Variants in CYP27A1 observed in about 807,000 individuals in gnomAD.
The protein encoded by CYP27A1 is cytochrome P450 family 27 subfamily A member 1, also known as sterol 26-hydroxylase, mitochondrial.
In CYP27A1, 46 loss-of-function variants were observed where a neutral mutation model predicts 58.2. The ratio of observed to expected loss-of-function variants is 0.79; its 90% CI spans 0.62 to 1.01. The LOEUF (loss-of-function observed/expected upper bound fraction) is 1.01. Among genes scored for constraint, CYP27A1 ranks in the 50% least tolerant of loss-of-function variants. The pLI is 0.00. For synonymous variants in CYP27A1, 274 were observed against 285.1 expected (o/e 0.96, Z 0.39); for missense variants, 704 against 687.0 (o/e 1.02, Z -0.28).
chr2:218,782,974 A>C lies in CYP27A1; in HGVS notation c.255+537A>C, dbSNP rs1943408523. Reference sequence around the variant, plus strand: ...TTTTTGTTATTAAGAAATCAGTCTGAGGCCGGGTGCAGTGGCTCACACCTG... The same window carrying C: ...TTTTTGTTATTAAGAAATCAGTCTGCGGCCGGGTGCAGTGGCTCACACCTG... On this transcript the variant is annotated intron_variant, in intron 1 of 8. Coordinates refer to ENST00000258415, the MANE Select transcript of CYP27A1 (RefSeq NM_000784.4). This position sits in a 1 kb window ranked among gnomAD's most constrained non-coding sequence, Gnocchi z 4.1. Among the ~76,000 whole-genome samples, 1 of 152,124 alleles carries C rather than the reference A, an allele frequency of 6.6e-6. No homozygotes were observed. Among genetic ancestry groups the C allele is most frequent in the African/African-American group, 2.4e-5 (1 of 41,430 alleles).
rs1460381043 is a variant in CYP27A1 at position 218,812,656 on chromosome 2, T to C, written c.751T>C (p.Ser251Pro). 1.2e-6 allele frequency: 2 copies of C among 1,614,220 alleles called. No homozygotes were observed. Among genetic ancestry groups the C allele is most frequent in the African/African-American group, 2.7e-5 (2 of 75,058 alleles). ...ATCCATCGGGTTAATGTTCCAGAAC[T>C]CACTCTATGCCACCTTCCTCCCCAA... ...VRSIGLMFQN[S>P]LYATFLPKWT... The change falls in exon 4 of 9, where the codon TCA becomes CCA. Residue 251 changes from serine to proline, a missense_variant. Ser to Pro is a moderately conservative substitution (Grantham distance 74). Transcript: ENST00000258415.
At chr2:218,802,502 GA>G (rs1245553852) in intron 1 of CYP27A1, among the ~76,000 whole-genome samples, 1 of 152,086 alleles carries the variant, frequency 6.6e-6, no homozygotes, top group Non-Finnish European at 1.5e-5. Context: ...CTGCTTTTTG[GA>G]ACGTTGTTCT....
chr2:218,791,859 C>G (rs927923339), intron 1 of CYP27A1, among the ~76,000 whole-genome samples: 1 of 152,170 alleles, frequency 6.6e-6, no homozygotes, highest in African/African-American at 2.4e-5. Context: ...GCTACTGTTA[C>G]AACATCAGTC....
chr2:218,815,136 C>T lies in CYP27A1; in HGVS notation c.*106C>T. 7.0e-7 allele frequency: 1 copy of T among 1,420,726 alleles called. No individual in the cohort carries two copies. Among genetic ancestry groups the T allele is most frequent in the South Asian group, 1.2e-5 (1 of 84,770 alleles). The allele number at this position is 1,420,726 out of a possible 1,614,324, so 88.0% of individuals were successfully genotyped here. Reference sequence around the variant, plus strand: ...ATGAGGAGGGAGAGAAGGAGGCCGCCAGACTCGAGAGGTGGGAGGAACTCC... The same window carrying T: ...ATGAGGAGGGAGAGAAGGAGGCCGCTAGACTCGAGAGGTGGGAGGAACTCC... On this transcript the variant is annotated 3_prime_UTR_variant, in exon 9 of 9. Coordinates refer to ENST00000258415, the MANE Select transcript of CYP27A1 (RefSeq NM_000784.4).
intron 1 of CYP27A1, among the ~76,000 whole-genome samples, chr2:218,788,976 A>G (rs945722957): frequency 9.2e-5 from 14 of 152,260 alleles, no homozygotes; most frequent in African/African-American, 3.1e-4. Context: ...AACAGGGAAC[A>G]TGGCCCAAAA....
In CYP27A1 at chr2:218,813,079, A is replaced by G. The variant is rs1331266877; in HGVS notation, c.1000A>G (p.Met334Val). The change falls in exon 5 of 9, where the codon ATG (methionine) becomes GTG (valine). Residue 334 changes from methionine (M) to valine (V), a missense_variant. Coordinates refer to ENST00000258415, the MANE Select transcript of CYP27A1 (RefSeq NM_000784.4). Reference sequence around the variant, plus strand: ...CATGGGCAGCCTGCCTGAGCTGCTCATGGCTGGAGTGGACACGGTGCGTGA... The same window carrying G: ...CATGGGCAGCCTGCCTGAGCTGCTCGTGGCTGGAGTGGACACGGTGCGTGA... ...EAMGSLPELL[M>V]AGVDTTSNTL... 2 of 1,612,434 alleles carry G rather than the reference A, an allele frequency of 1.2e-6. No individual in the cohort carries two copies. Among genetic ancestry groups the G allele is most frequent in the Admixed American group, 3.3e-5 (2 of 59,912 alleles).
Position 218,782,556 on chromosome 2 carries a change from G to GGA in CYP27A1, c.255+119_255+120insGA. ...GCAGGAACTCAGCTGGGGACCCACTGAGGCTATGGTCATAAACTGGAAATC... is the reference window on the plus strand; with the variant it reads ...GCAGGAACTCAGCTGGGGACCCACTGGAAGGCTATGGTCATAAACTGGAAATC... On this transcript the variant is annotated intron_variant, in intron 1 of 8. Transcript: ENST00000258415. The surrounding 1 kb of genome is among the most constrained non-coding windows in gnomAD (Gnocchi z 4.1). 1 of 1,305,492 alleles carries GGA rather than the reference G, an allele frequency of 7.7e-7. No individual in the cohort carries two copies. Among genetic ancestry groups the GGA allele is most frequent in the Non-Finnish European group, 1.1e-6 (1 of 913,762 alleles). 80.9% of individuals were successfully genotyped at this position (1,305,492 alleles called of 1,614,324 possible).
At chr2:218,803,935 G>A (rs1943625070) in intron 1 of CYP27A1, among the ~76,000 whole-genome samples, 1 of 150,328 alleles carries the variant, frequency 6.7e-6, no homozygotes, top group Admixed American at 6.6e-5. Flanking sequence ...GTTTCACCAT[G>A]TTGGCCAGGC....
chr2:218,800,053 AC>A (rs1261374091), intron 1 of CYP27A1, among the ~76,000 whole-genome samples: 2 of 152,006 alleles, frequency 1.3e-5, no homozygotes, highest in Admixed American at 6.6e-5. Context: ...GTTGTGGGGT[AC>A]CTCCATTGCT....
chr2:218,810,096 C>T (rs692215), intron 2 of CYP27A1, among the ~76,000 whole-genome samples: 4 of 151,876 alleles, frequency 2.6e-5, no homozygotes, highest in Non-Finnish European at 4.4e-5. Context: ...TTGGCCAACA[C>T]GGTGAAACCC....
intron 1 of CYP27A1, among the ~76,000 whole-genome samples, chr2:218,784,829 CA>C (rs1943426992): frequency 1.3e-5 from 2 of 152,082 alleles, no homozygotes; most frequent in South Asian, 4.2e-4. Context: ...TTCAGGTTGA[CA>C]GGGGGCAGGT....
chr2:218,813,419 ACTTT>A (rs1382560579), intron 5 of CYP27A1, among the ~76,000 whole-genome samples: 2 of 151,840 alleles, frequency 1.3e-5, no homozygotes, highest in East Asian at 1.9e-4. Context: ...ATTCACAAGC[ACTTT>A]CTTTCTTTTT....
At chr2:218,801,989 T>C (rs1236602548) in intron 1 of CYP27A1, among the ~76,000 whole-genome samples, 2 of 150,072 alleles carry the variant, frequency 1.3e-5, no homozygotes, top group Non-Finnish European at 2.9e-5. Context: ...CTTTTTTTTT[T>C]TTTTTTAATT....
chr2:218,814,104 T>G lies in CYP27A1; in HGVS notation c.1101T>G (p.Gly367=), dbSNP rs752360378. 1.9e-6 allele frequency: 3 copies of G among 1,613,972 alleles called. No individual in the cohort carries two copies. In the African/African-American group the frequency reaches 4.0e-5, roughly 22 times the overall value. ...AGGCCTTGCACGAGGAAGTGGTGGG[T>G]GTGGTGCCAGCCGGGCAAGTGCCCC... ...IQEALHEEVV[G]VVPAGQVPQH... The change falls in exon 6 of 9, where the codon GGT becomes GGG. Residue 367 remains glycine (G), a synonymous_variant. Transcript: ENST00000258415.
chr2:218,784,778 G>A (rs1575196830), intron 1 of CYP27A1, among the ~76,000 whole-genome samples: 1 of 152,152 alleles, frequency 6.6e-6, no homozygotes, highest in South Asian at 2.1e-4. Context: ...CTTTTCACTT[G>A]AATAAAATGT....
intron 1 of CYP27A1, among the ~76,000 whole-genome samples, chr2:218,790,063 C>T (rs920024164): frequency 6.6e-6 from 1 of 152,124 alleles, no homozygotes; most frequent in African/African-American, 2.4e-5. Flanking sequence ...TGAGCTTAGT[C>T]GAAAACAATG....
intron 1 of CYP27A1, among the ~76,000 whole-genome samples, chr2:218,795,188 A>G (rs4674341): frequency 0.51 from 77,829 of 152,072 alleles, 20,598 homozygotes; most frequent in African/African-American, 0.6. Context: ...TAATCAGCAG[A>G]AATTAGCCAT....
rs1485788470 is a variant in CYP27A1 at position 218,814,915 on chromosome 2, T to C, written c.1481T>C (p.Ile494Thr). Residue 494 changes from isoleucine (I) to threonine (T), a missense_variant, in exon 9 of 9, where the codon ATC becomes ACC. Transcript: ENST00000258415. ...CATGTGCTCTTTACCCCCCAGCTGA[T>C]CCAGAAGTACAAGGTGGTCCTGGCC... is the stretch of plus-strand genomic sequence containing the variant. ...LEMQLLLARL[I>T]QKYKVVLAPE... 1.2e-6 allele frequency: 2 copies of C among 1,614,056 alleles called. No individual in the cohort carries two copies. The highest frequency in any genetic ancestry group is 1.7e-6 in the Non-Finnish European group (2 of 1,180,026).
intron 1 of CYP27A1, among the ~76,000 whole-genome samples, chr2:218,802,649 G>A (rs1354743341): frequency 2.0e-5 from 3 of 152,164 alleles, no homozygotes; most frequent in Non-Finnish European, 2.9e-5. Flanking sequence ...TGTTTTCTTC[G>A]GAGGGCAAAT....
Sources: allele counts gnomAD v4.1 joint callset (sites outside exome capture counted in the v4.1 genomes callset), GRCh38; gene constraint gnomAD v4.1.1; non-coding constraint Gnocchi (gnomAD v3.1); transcripts MANE v1.5; gene names NCBI Gene and HGNC (gene_info 2026-07-23, HGNC 2026-07-21).